The following PLCB2 variants were observed in gnomAD, a reference collection of about 807,000 sequenced individuals.
PLCB2 encodes the protein phospholipase C beta 2, also known as 1-phosphatidylinositol 4,5-bisphosphate phosphodiesterase beta-2.
In PLCB2, 115 loss-of-function variants were observed where a neutral mutation model predicts 141.7. The ratio of observed to expected loss-of-function variants is 0.81; its 90% CI spans 0.70 to 0.95. The LOEUF (loss-of-function observed/expected upper bound fraction) is 0.95. Among genes scored for constraint, PLCB2 ranks in the 40% least tolerant of loss-of-function variants. The pLI, the probability that PLCB2 is intolerant of heterozygous loss-of-function variation, is 0.00. For missense variants in PLCB2, 1,403 were observed against 1,541.1 expected (o/e 0.91, Z 1.50); for synonymous variants, 603 against 595.6 (o/e 1.01, Z -0.18).
intron 1 of PLCB2, among the ~76,000 whole-genome samples, chr15:40,305,880 C>T (rs1417647854): frequency 2.6e-5 from 4 of 152,226 alleles, no homozygotes; most frequent in Non-Finnish European, 5.9e-5. Flanking sequence ...CACCAAGGCC[C>T]TTTCCAGGGG....
chr15:40,287,987 C>A lies in PLCB2; in HGVS notation c.*728G>T. On this transcript the variant is annotated 3_prime_UTR_variant, in exon 32 of 32. Transcript: ENST00000260402. Reference sequence around the variant, plus strand: ...CATAAATTCAGGAGAGCAAATGATGCTGACCTTGTCAGGCAGGCAGCCTGA... The same window carrying A: ...CATAAATTCAGGAGAGCAAATGATGATGACCTTGTCAGGCAGGCAGCCTGA... The A allele has an allele frequency of 1.0e-6, 1 of 984,680 alleles. No homozygotes were observed. The highest frequency in any genetic ancestry group is 1.2e-6 in the Non-Finnish European group (1 of 829,280). 61.0% of individuals were successfully genotyped at this position (984,680 alleles called of 1,614,324 possible).
At chr15:40,291,711 TC>T in intron 24 of PLCB2, 61 bp from the exon 25 acceptor site, 1 of 1,606,242 alleles carries the variant, frequency 6.2e-7, no homozygotes. Context: ...TCCGTTCGCC[TC>T]CTCCACACCG....
intron 7 of PLCB2, among the ~76,000 whole-genome samples, chr15:40,300,097 C>T (rs1440620547): frequency 6.6e-6 from 1 of 152,130 alleles, no homozygotes; most frequent in African/African-American, 2.4e-5. Context: ...GGTGGATCAC[C>T]TGAGGTCAGG....
At position 40,297,505 on chromosome 15, in the gene PLCB2, A is replaced by T; in HGVS notation, c.1323+16T>A. 1 of 1,601,388 alleles carries T rather than the reference A, an allele frequency of 6.2e-7. No individual in the cohort carries two copies. The highest frequency in any genetic ancestry group is 8.6e-7 in the Non-Finnish European group (1 of 1,168,370). On this transcript the variant is annotated intron_variant, in intron 13 of 31. Coordinates refer to ENST00000260402, the MANE Select transcript of PLCB2 (RefSeq NM_004573.3). This position sits in a 1 kb window ranked among gnomAD's most constrained non-coding sequence, Gnocchi z 4.2. ...CAGGCCCAAGGCTCAAATGTCCCACAGCGAAGCCCACTCACTGGGAACTTT... is the reference window on the plus strand; with the variant it reads ...CAGGCCCAAGGCTCAAATGTCCCACTGCGAAGCCCACTCACTGGGAACTTT...
rs188840533 is a variant in PLCB2, at chr15:40,305,545, C to A, written c.85-1467G>T. Reference sequence around the variant, plus strand: ...TATTTGCTGGGGTCCAGGGTGGGCCCATGGGAGAGTGGGGGCAAAGGGCCT... The same window carrying A: ...TATTTGCTGGGGTCCAGGGTGGGCCAATGGGAGAGTGGGGGCAAAGGGCCT... On this transcript the variant is annotated intron_variant, in intron 1 of 31. Coordinates refer to ENST00000260402, the MANE Select transcript of PLCB2 (RefSeq NM_004573.3). Among the ~76,000 whole-genome samples the A allele has an allele frequency of 8.9e-3, 1,352 of 152,252 alleles. 11 individuals are homozygous for A. Among genetic ancestry groups the A allele is most frequent in the South Asian group, 0.043 (205 of 4,818 alleles).
chr15:40,287,642 G>A (rs770271024), downstream of PLCB2, among the ~76,000 whole-genome samples: 3 of 152,168 alleles, frequency 2.0e-5, no homozygotes, highest in Non-Finnish European at 4.4e-5. Flanking sequence ...CCCCGAGAGT[G>A]GAGACAATGA....
intron 18 of PLCB2, among the ~76,000 whole-genome samples, 166 bp downstream of exon 18, chr15:40,294,770 C>G (rs753426078): frequency 8.5e-5 from 13 of 152,324 alleles, no homozygotes; most frequent in Admixed American, 2.0e-4. Context: ...CACATGGGCA[C>G]AGGCTAATGC....
Position 40,291,607 on chromosome 15 carries a change from C to G in PLCB2, c.2646G>C (p.Ala882=). Residue 882 remains alanine, a splice_region_variant and synonymous_variant, in exon 25 of 32, where the codon GCG becomes GCC. Transcript: ENST00000260402. ...GAREEAMKEA[A]EPRTASLEEL... Reference sequence around the variant, plus strand: ...ATCACCGGGCTCAGCAGGCCTTACCCGCAGCTTCTTTCATAGCCTCTTCCC... The same window carrying G: ...ATCACCGGGCTCAGCAGGCCTTACCGGCAGCTTCTTTCATAGCCTCTTCCC... 1 of 1,613,424 alleles carries G rather than the reference C, an allele frequency of 6.2e-7. No individual in the cohort carries two copies. Among genetic ancestry groups the G allele is most frequent in the Non-Finnish European group, 8.5e-7 (1 of 1,179,894 alleles).
At chr15:40,290,151 A>G (rs1346261282) in intron 29 of PLCB2, 69 bp from the exon 30 acceptor site, 5 of 984,202 alleles carry the variant, frequency 5.1e-6, no homozygotes, top group South Asian at 3.8e-5. Flanking sequence ...CATGAAGTCT[A>G]CGCAGGATGT....
chr15:40,306,724 G>C (rs1165675246), intron 1 of PLCB2, among the ~76,000 whole-genome samples: 3 of 152,166 alleles, frequency 2.0e-5, no homozygotes, highest in African/African-American at 4.8e-5. Flanking sequence ...AGCACTAAGG[G>C]CTGTCTTCCC....
At chr15:40,296,243 G>C (rs75344330) in intron 16 of PLCB2, 53 bp downstream of exon 16, 20 of 1,384,620 alleles carry the variant, frequency 1.4e-5, no homozygotes, top group East Asian at 9.3e-5. Flanking sequence ...GTCCAAGGAA[G>C]GGGGAGATCC....
intron 11 of PLCB2, 30 bp downstream of exon 11, chr15:40,298,193 G>A (rs372001952): frequency 4.6e-5 from 70 of 1,530,986 alleles, no homozygotes; most frequent in Non-Finnish European, 4.8e-5. Flanking sequence ...CTACTGCCAC[G>A]GCCACCAGCC....
intron 2 of PLCB2, 132 bp downstream of exon 2, chr15:40,303,869 C>G (rs1398187220): frequency 2.8e-5 from 18 of 635,150 alleles, no homozygotes; most frequent in Non-Finnish European, 4.5e-5. Flanking sequence ...TACAGGGGAG[C>G]CTCTGGAGCC....
chr15:40,292,304 C>T (rs1384837467), intron 22 of PLCB2, 35 bp downstream of exon 22: 5 of 1,544,702 alleles, frequency 3.2e-6, no homozygotes, highest in Non-Finnish European at 4.5e-6. Flanking sequence ...GGGGAACAGA[C>T]ACCCCGAGGC....
Position 40,288,266 on chromosome 15 carries a change from A to C in PLCB2, c.*449T>G. 2.0e-6 allele frequency: 2 copies of C among 988,466 alleles called. No homozygotes were observed. The highest frequency in any genetic ancestry group is 9.4e-5 in the South Asian group (2 of 21,342). 61.2% of individuals were successfully genotyped at this position (988,466 alleles called of 1,614,324 possible). Reference sequence around the variant, plus strand: ...CTCAAGGAGTGGACAAGGCCAACTCAGGGCAGGCCTGATGGGGCCTGGAAG... The same window carrying C: ...CTCAAGGAGTGGACAAGGCCAACTCCGGGCAGGCCTGATGGGGCCTGGAAG... On this transcript the variant is annotated 3_prime_UTR_variant, in exon 32 of 32. Coordinates refer to ENST00000260402, the MANE Select transcript of PLCB2 (RefSeq NM_004573.3).
rs1187129755 is a variant in PLCB2, at chr15:40,307,648, G to A, written c.25C>T (p.Leu9=). ...AGATAGGCCTTCACCTTGGGGGGCA[G>A]CAGGACAGGGTTGAGCAGAGACATG... MSLLNPVL[L]PPKVKAYLSQ... is the part of the protein sequence containing the mutation. Residue 9 remains leucine (L), a synonymous_variant, in exon 1 of 32, where the codon CTG becomes TTG. Coordinates refer to ENST00000260402, the MANE Select transcript of PLCB2 (RefSeq NM_004573.3). The A allele has an allele frequency of 6.3e-7, 1 of 1,580,778 alleles. No individual in the cohort carries two copies. Among genetic ancestry groups the A allele is most frequent in the South Asian group, 1.2e-5 (1 of 86,508 alleles).
In PLCB2 at chr15:40,288,793, C is replaced by T; in HGVS notation, c.3480G>A (p.Arg1160=). 6.2e-7 allele frequency: 1 copy of T among 1,613,970 alleles called. No homozygotes were observed. The highest frequency in any genetic ancestry group is 8.5e-7 in the Non-Finnish European group (1 of 1,179,828). ...FPSEAKDKPE[R]ACECPPELCE... ...ACAGCTCTGGGGGGCACTCGCAGGC[C>T]CTCTCAGGCTTGTCCTTGGCCTCGG... Residue 1160 remains arginine (R), a synonymous_variant, in exon 32 of 32, where the codon AGG becomes AGA. Transcript: ENST00000260402.
At position 40,291,394 on chromosome 15, in the gene PLCB2, C is replaced by T. The variant is rs867608744; in HGVS notation, c.2741G>A (p.Arg914Gln). The T allele has an allele frequency of 1.3e-6, 2 of 1,534,864 alleles. No homozygotes were observed. The highest frequency in any genetic ancestry group is 2.4e-5 in the East Asian group (1 of 40,838). The change falls in exon 26 of 32, where the codon CGG becomes CAG. Residue 914 changes from arginine to glutamine, a missense_variant. This residue lies in a region of PLCB2 where 290 missense variants were observed against 245.9 expected (regional missense o/e 1.18). Transcript: ENST00000260402. Reference sequence around the variant, plus strand: ...CTCCTCCCAGCGCCGCGCTCCGCGCCGCTCCAACTCTCGCAGCTCCTTCTC... The same window carrying T: ...CTCCTCCCAGCGCCGCGCTCCGCGCTGCTCCAACTCTCGCAGCTCCTTCTC... ...RHEKELRELERRGARRWEELL... is the reference protein window; with the variant it reads ...RHEKELRELEQRGARRWEELL...
chr15:40,299,860 A>C (rs2040421064), intron 7 of PLCB2, among the ~76,000 whole-genome samples: 1 of 152,262 alleles, frequency 6.6e-6, no homozygotes. Flanking sequence ...ACCCAGTTGA[A>C]AGATGGACAA....
Sources: allele counts gnomAD v4.1 joint callset (sites outside exome capture counted in the v4.1 genomes callset), GRCh38; gene constraint gnomAD v4.1.1; regional missense constraint gnomAD v4.1.1; non-coding constraint Gnocchi (gnomAD v3.1); transcripts MANE v1.5; gene names NCBI Gene and HGNC (gene_info 2026-07-23, HGNC 2026-07-21).